Variants in PIK3C2A observed in about 807,000 individuals in gnomAD.
PIK3C2A encodes phosphatidylinositol 4-phosphate 3-kinase C2 domain-containing subunit alpha.
A neutral mutation model predicts 204.5 loss-of-function variants in PIK3C2A; 97 were observed. The observed-to-expected ratio is 0.47, with a 90% CI of 0.40 to 0.56. The LOEUF is 0.56. PIK3C2A is among the 20% of genes least tolerant of loss of function. The pLI, the probability that PIK3C2A is intolerant of heterozygous loss-of-function variation, is 0.00. For missense variants in PIK3C2A, 1,735 were observed against 1,969.2 expected (o/e 0.88, Z 2.25); for synonymous variants, 653 against 664.4 (o/e 0.98, Z 0.26).
intron 8 of PIK3C2A, chr11:17,141,247 T>A (rs1021410978): frequency 4.6e-5 from 7 of 151,826 alleles, no homozygotes; most frequent in African/African-American, 1.7e-4. Flanking sequence ...GATTTTCTCT[T>A]ATTTTGCTTT....
intron 1 of PIK3C2A, among the ~76,000 whole-genome samples, chr11:17,188,148 G>A (rs1250908909): frequency 6.6e-6 from 1 of 150,840 alleles, no homozygotes; most frequent in Non-Finnish European, 1.5e-5. Flanking sequence ...GACCAGCCTG[G>A]CCAACATGGC....
chr11:17,157,457 C>T (rs1204861636), intron 2 of PIK3C2A, among the ~76,000 whole-genome samples: 1 of 61,966 alleles, frequency 1.6e-5, no homozygotes, highest in Non-Finnish European at 2.9e-5. Flanking sequence ...GAGACTCTGT[C>T]TCAAAAAAAA....
At chr11:17,168,628 G>T in intron 2 of PIK3C2A, 49 bp downstream of exon 2, 1 of 1,189,608 alleles carries the variant, frequency 8.4e-7, no homozygotes, top group South Asian at 1.5e-5. Flanking sequence ...ACACAAATAT[G>T]AACTCTGTGT....
chr11:17,173,703 G>A (rs1441716884), intron 1 of PIK3C2A, among the ~76,000 whole-genome samples: 3 of 152,154 alleles, frequency 2.0e-5, no homozygotes, highest in South Asian at 4.1e-4. Context: ...ATAAGCTTAA[G>A]TGCAAAGGCC....
intron 28 of PIK3C2A, among the ~76,000 whole-genome samples, chr11:17,092,981 T>C (rs1848352928): frequency 6.6e-6 from 1 of 152,222 alleles, no homozygotes; most frequent in Non-Finnish European, 1.5e-5. Flanking sequence ...AAATATTACA[T>C]ATACCAGTAA....
At chr11:17,183,474 G>C (rs938234472) in intron 1 of PIK3C2A, among the ~76,000 whole-genome samples, 1 of 151,962 alleles carries the variant, frequency 6.6e-6, no homozygotes, top group African/African-American at 2.4e-5. Flanking sequence ...TCAGGAGTTT[G>C]AGACCAGCCT....
rs200196448 is a variant in PIK3C2A, at chr11:17,089,777, C to T, written c.5022G>A (p.Thr1674=). Residue 1674 remains threonine, a synonymous_variant, in exon 33 of 33, where the codon ACG becomes ACA. Coordinates refer to ENST00000691414, the MANE Select transcript of PIK3C2A (RefSeq NM_002645.4). ...PLKDFNLSKE[T]VKWYQLTAAT... The stretch of plus-strand genomic sequence containing the variant: ...CCGCAGTCAGCTGATACCATTTAAC[C>T]GTCTCTTTGCTCAAGTTGAAATCTT... 90 of 1,613,844 alleles carry T rather than the reference C, an allele frequency of 5.6e-5. No homozygotes were observed. The highest frequency in any genetic ancestry group is 8.3e-5 in the Admixed American group (5 of 59,972).
In PIK3C2A at chr11:17,134,673, T is replaced by A. The variant is rs943773756; in HGVS notation, c.2108+146A>T. The A allele has an allele frequency of 8.1e-5, 52 of 639,512 alleles. 1 individual carries two copies. The highest frequency in any genetic ancestry group is 2.6e-4 in the African/African-American group (14 of 54,582). The allele number at this position is 639,512 out of a possible 1,614,324, so 39.6% of individuals were successfully genotyped here. A position where few individuals can be genotyped will look rare whatever the true frequency, so the allele number is the denominator to read the frequency against. On this transcript the variant is annotated intron_variant, in intron 11 of 32. Transcript: ENST00000691414. ...ACCGTGCCTGACTGGCTAATTTTTTTAAAATTCTTTTTAGTAGAGATGAGG... is the reference window on the plus strand; with the variant it reads ...ACCGTGCCTGACTGGCTAATTTTTTAAAAATTCTTTTTAGTAGAGATGAGG...
intron 23 of PIK3C2A, among the ~76,000 whole-genome samples, chr11:17,103,406 T>G (rs753831147): frequency 6.6e-6 from 1 of 152,104 alleles, no homozygotes; most frequent in Non-Finnish European, 1.5e-5. Flanking sequence ...GCAAGACACA[T>G]ACAATGAGGT....
chr11:17,100,229 C>T (rs1848578567), intron 25 of PIK3C2A, among the ~76,000 whole-genome samples: 1 of 107,870 alleles, frequency 9.3e-6, no homozygotes, highest in South Asian at 3.0e-4. Context: ...CTCCTTTTGT[C>T]TAGGCTCTTT....
At chr11:17,128,794 C>T (rs967462200) in intron 13 of PIK3C2A, among the ~76,000 whole-genome samples, 1 of 152,118 alleles carries the variant, frequency 6.6e-6, no homozygotes, top group Non-Finnish European at 1.5e-5. Context: ...GAAAGAATCC[C>T]TAATAGGGTT....
intron 1 of PIK3C2A, among the ~76,000 whole-genome samples, chr11:17,200,137 G>A (rs1852315736): frequency 6.6e-6 from 1 of 151,906 alleles, no homozygotes; most frequent in South Asian, 2.1e-4. Context: ...AGTGAGCTGA[G>A]ATCGCGCCAC....
intron 1 of PIK3C2A, among the ~76,000 whole-genome samples, chr11:17,176,475 A>C (rs540446264): frequency 1.3e-5 from 2 of 151,814 alleles, no homozygotes; most frequent in Admixed American, 1.3e-4. Context: ...TATAAATTTT[A>C]AAAATTAAAA....
At chr11:17,200,642 T>C (rs989739003) in intron 1 of PIK3C2A, among the ~76,000 whole-genome samples, 3 of 152,138 alleles carry the variant, frequency 2.0e-5, no homozygotes, top group Admixed American at 1.3e-4. Context: ...ATGGAAATTT[T>C]TGGAGTGATG....
rs148320945 is a variant in PIK3C2A, at chr11:17,162,507, A to G, written c.1065+6170T>C. 2.6e-5 allele frequency among the ~76,000 whole-genome samples: 4 copies of G among 152,340 alleles called. No individual in the cohort carries two copies. The South Asian group carries it at 6.2e-4, about 24-fold the overall frequency. On this transcript the variant is annotated intron_variant, in intron 2 of 32. Transcript: ENST00000691414. ...GTTCAGCCTAACAATTTCTCCATGC[A>G]TAGTGAACTGTAACCTAACTGGATG...
At chr11:17,130,166 C>T (rs866646729) in intron 12 of PIK3C2A, among the ~76,000 whole-genome samples, 7 of 152,012 alleles carry the variant, frequency 4.6e-5, no homozygotes, top group African/African-American at 1.7e-4. Context: ...TAAGTATATA[C>T]ACAAACAGCC....
At chr11:17,094,227 C>A (rs1360383888) in intron 28 of PIK3C2A, 34 bp downstream of exon 28, 1 of 1,531,298 alleles carries the variant, frequency 6.5e-7, no homozygotes, top group East Asian at 2.3e-5. Flanking sequence ...TTGTTTCCTA[C>A]AAAAAGGATT....
At chr11:17,105,019 A>T in intron 23 of PIK3C2A, 150 bp downstream of exon 23, 1 of 608,782 alleles carries the variant, frequency 1.6e-6, no homozygotes, top group South Asian at 2.0e-5. Context: ...GTCTTGTTTT[A>T]CATTCTTTCC....
chr11:17,182,645 T>C (rs1449437431), intron 1 of PIK3C2A, among the ~76,000 whole-genome samples: 1 of 151,300 alleles, frequency 6.6e-6, no homozygotes, highest in Non-Finnish European at 1.5e-5. Context: ...ATAAAAGCTA[T>C]ACTGTCCCCC....
Sources: gnomAD v4.1 joint callset for allele counts (sites outside exome capture counted in the v4.1 genomes callset) on GRCh38, gnomAD v4.1.1 for gene constraint, MANE v1.5 for transcripts, NCBI Gene and HGNC (gene_info 2026-07-23, HGNC 2026-07-21) for gene names.